SPOCK3: variants seen among roughly 807,000 people sequenced by gnomAD.
SPOCK3 encodes the protein testican-3.
A neutral mutation model predicts 56.6 loss-of-function variants in SPOCK3; 30 were observed. The ratio of observed to expected loss-of-function variants is 0.53; its 90% CI spans 0.40 to 0.72. SPOCK3 has a LOEUF of 0.72. SPOCK3 is among the 30% of genes least tolerant of loss of function. The probability of loss-of-function intolerance (pLI) is 0.00; values close to 1 mark genes in which losing one functional copy is unlikely to be tolerated. For synonymous variants in SPOCK3, 196 were observed against 183.3 expected, an observed-to-expected ratio of 1.07 and a Z score of -0.56; for missense variants, 527 against 530.0, an observed-to-expected ratio of 0.99 and a Z score of 0.06.
At chr4:166,906,492 A>AC (rs1292056218) in intron 5 of SPOCK3, among the ~76,000 whole-genome samples, 1 of 151,392 alleles carries the variant, frequency 6.6e-6, no homozygotes, top group Non-Finnish European at 1.5e-5. Context: ...TAAAAAAAAA[A>AC]AAAAAAAAAC....
In SPOCK3 at chr4:166,915,028, G is replaced by T. The variant is rs150958182; in HGVS notation, c.351-2285C>A. On this transcript the variant is annotated intron_variant, in intron 4 of 10. Transcript: ENST00000357545. Reference sequence around the variant, plus strand: ...TTAGTTTTGATGCTGGTCAGGATTTGCTGGAGTGAAATATAATCACCAACA... The same window carrying T: ...TTAGTTTTGATGCTGGTCAGGATTTTCTGGAGTGAAATATAATCACCAACA... Among the ~76,000 whole-genome samples, 147 of 152,084 alleles carry T rather than the reference G, an allele frequency of 9.7e-4. 1 individual carries two copies. The highest frequency in any genetic ancestry group is 1.8e-3 in the Non-Finnish European group (124 of 67,992).
At chr4:166,955,124 A>T (rs1301144700) in intron 4 of SPOCK3, among the ~76,000 whole-genome samples, 1 of 152,156 alleles carries the variant, frequency 6.6e-6, no homozygotes, top group African/African-American at 2.4e-5. Context: ...GATTCACACA[A>T]ATCATTTTTT....
At chr4:166,864,606 A>T (rs1239361782) in intron 6 of SPOCK3, among the ~76,000 whole-genome samples, 1 of 152,206 alleles carries the variant, frequency 6.6e-6, no homozygotes, top group East Asian at 1.9e-4. Flanking sequence ...GGAGATCACC[A>T]CTGATCCCAC....
At chr4:167,017,331 G>T (rs1013555991) in intron 3 of SPOCK3, among the ~76,000 whole-genome samples, 1 of 152,058 alleles carries the variant, frequency 6.6e-6, no homozygotes, top group African/African-American at 2.4e-5. Context: ...GAGGAGAGCT[G>T]CTCAGTCAAA....
chr4:166,820,865 G>T (rs975213512), intron 6 of SPOCK3, among the ~76,000 whole-genome samples: 5 of 152,024 alleles, frequency 3.3e-5, no homozygotes, highest in South Asian at 2.1e-4. Context: ...CAGAAAAAAA[G>T]AAGTAAATCA....
At chr4:167,205,418 TATATAATATATAATATATA>T (rs1430096864) in intron 2 of SPOCK3, among the ~76,000 whole-genome samples, 1 of 47,176 alleles carries the variant, frequency 2.1e-5, no homozygotes, top group African/African-American at 8.7e-5. Context: ...ATATATTAAA[TATATAATATATAATATATA>T]ATATAATATA....
chr4:167,114,507 C>T (rs1391199430), intron 2 of SPOCK3, among the ~76,000 whole-genome samples: 1 of 152,014 alleles, frequency 6.6e-6, no homozygotes, highest in Non-Finnish European at 1.5e-5. Flanking sequence ...CACGTGTCTC[C>T]TCTAATTCTC....
chr4:167,033,211 C>A (rs796068108), intron 3 of SPOCK3, among the ~76,000 whole-genome samples: 1 of 151,594 alleles, frequency 6.6e-6, no homozygotes, highest in Non-Finnish European at 1.5e-5. Context: ...AAAAGGAATT[C>A]TTCCCTAGTG....
chr4:167,200,378 T>G (rs761230943), intron 2 of SPOCK3, among the ~76,000 whole-genome samples: 1 of 152,042 alleles, frequency 6.6e-6, no homozygotes. Flanking sequence ...CTTTATGTTG[T>G]TTAAGGATGG....
chr4:167,099,345 T>C (rs913840837), intron 2 of SPOCK3, among the ~76,000 whole-genome samples: 14 of 151,982 alleles, frequency 9.2e-5, no homozygotes, highest in Non-Finnish European at 2.9e-5. Flanking sequence ...CCTGATTTCC[T>C]ACTGAAGTGG....
intron 4 of SPOCK3, among the ~76,000 whole-genome samples, chr4:166,989,607 G>A (rs1747550723): frequency 6.6e-6 from 1 of 152,094 alleles, no homozygotes; most frequent in South Asian, 2.1e-4. Flanking sequence ...CAGGAGACAA[G>A]TTCTTCAAAA....
At chr4:167,049,354 A>G (rs10007176) in intron 3 of SPOCK3, among the ~76,000 whole-genome samples, 7,398 of 152,284 alleles carry the variant, frequency 0.049, 253 homozygotes, top group African/African-American at 0.094. Context: ...TCCACAAAAC[A>G]AAGTATACTG....
chr4:167,046,060 A>AATTTAACAG (rs1422388497), intron 3 of SPOCK3, among the ~76,000 whole-genome samples: 2 of 152,056 alleles, frequency 1.3e-5, no homozygotes, highest in Non-Finnish European at 2.9e-5. Flanking sequence ...TTAGCAGTAA[A>AATTTAACAG]ATTTAACAGG....
At chr4:166,952,550 A>C (rs1742795084) in intron 4 of SPOCK3, among the ~76,000 whole-genome samples, 2 of 152,120 alleles carry the variant, frequency 1.3e-5, no homozygotes, top group East Asian at 1.9e-4. Context: ...ATCAAGCTAC[A>C]AATGGCTTTC....
At chr4:166,824,827 C>T (rs776454914) in intron 6 of SPOCK3, among the ~76,000 whole-genome samples, 50 of 152,026 alleles carry the variant, frequency 3.3e-4, no homozygotes, top group Admixed American at 3.3e-4. Flanking sequence ...ATTATTTTTA[C>T]GTAATTGACT....
intron 6 of SPOCK3, among the ~76,000 whole-genome samples, chr4:166,854,901 G>A (rs183526251): frequency 3.3e-5 from 5 of 152,188 alleles, no homozygotes; most frequent in East Asian, 1.9e-4. Context: ...GGAGTATTAC[G>A]TTGGGACTCA....
intron 3 of SPOCK3, among the ~76,000 whole-genome samples, chr4:167,040,636 G>GTT (rs1753160432): frequency 6.6e-6 from 1 of 152,088 alleles, no homozygotes. Context: ...TCTCCTGAAA[G>GTT]TAAAATTCAT....
At chr4:166,994,701 A>C (rs753047101) in intron 4 of SPOCK3, among the ~76,000 whole-genome samples, 7 of 152,284 alleles carry the variant, frequency 4.6e-5, no homozygotes, top group Non-Finnish European at 8.8e-5. Context: ...TATGAGAAAC[A>C]TGCTTTCTGT....
At chr4:167,232,839 T>C (rs1580705768) in intron 2 of SPOCK3, among the ~76,000 whole-genome samples, 1 of 152,168 alleles carries the variant, frequency 6.6e-6, no homozygotes, top group African/African-American at 2.4e-5. Context: ...AGCTACTTCA[T>C]GGAGAGGCTG....
Sources: allele counts gnomAD v4.1 joint callset (sites outside exome capture counted in the v4.1 genomes callset), GRCh38; gene constraint gnomAD v4.1.1; transcripts MANE v1.5; gene names NCBI Gene and HGNC (gene_info 2026-07-23, HGNC 2026-07-21).